The following RAB21 variants were observed in gnomAD, a reference collection of about 807,000 sequenced individuals.
RAB21 encodes ras-related protein Rab-21.
RAB21 carries 13 observed loss-of-function variants against 33.1 expected under a neutral mutation model. That is an observed-to-expected ratio of 0.39 (90% CI 0.26 to 0.62). The LOEUF is 0.62. Ranked by LOEUF, RAB21 falls within the 20% of genes least tolerant of loss-of-function variation. The probability of loss-of-function intolerance (pLI) is 0.48; values close to 1 mark genes in which losing one functional copy is unlikely to be tolerated. For synonymous variants in RAB21, 91 were observed against 103.7 expected, an observed-to-expected ratio of 0.88 and a Z score of 0.74; for missense variants, 234 against 279.1, an observed-to-expected ratio of 0.84 and a Z score of 1.15.
intron 4 of RAB21, among the ~76,000 whole-genome samples, chr12:71,780,696 T>C (rs1252930261): frequency 6.6e-6 from 1 of 152,202 alleles, no homozygotes; most frequent in East Asian, 1.9e-4. Context: ...GGTTCTCAGA[T>C]TATTCGAGGT....
chr12:71,780,564 C>G (rs1216341842), intron 4 of RAB21, among the ~76,000 whole-genome samples: 1 of 152,126 alleles, frequency 6.6e-6, no homozygotes, highest in Non-Finnish European at 1.5e-5. Flanking sequence ...GATAGCTGTT[C>G]AAAGAAGGAA....
chr12:71,756,119 T>C (rs982527341), intron 1 of RAB21, among the ~76,000 whole-genome samples: 1 of 152,214 alleles, frequency 6.6e-6, no homozygotes, highest in South Asian at 2.1e-4. Context: ...GAGAAATTTA[T>C]CCTACTAATT....
intron 4 of RAB21, among the ~76,000 whole-genome samples, chr12:71,780,836 A>G (rs977835347): frequency 6.6e-6 from 1 of 152,208 alleles, no homozygotes; most frequent in African/African-American, 2.4e-5. Flanking sequence ...TGGTTCCAAG[A>G]AAAAAAGTAA....
intron 4 of RAB21, among the ~76,000 whole-genome samples, chr12:71,781,027 T>C (rs1883190546): frequency 6.6e-6 from 1 of 152,180 alleles, no homozygotes; most frequent in Non-Finnish European, 1.5e-5. Flanking sequence ...TTTTGCAGTT[T>C]CTTCATTTTT....
In RAB21 at chr12:71,800,119, G is replaced by A. The variant is rs746896266; in HGVS notation, c.*14446G>A. 2.0e-5 allele frequency: 3 copies of A among 151,010 alleles called. No homozygotes were observed. The highest frequency in any genetic ancestry group is 6.6e-5 in the Admixed American group (1 of 15,152). The allele number at this position is 151,010 out of a possible 1,614,324, so 9.4% of individuals were successfully genotyped here. A position where few individuals can be genotyped will look rare whatever the true frequency, so the allele number is the denominator to read the frequency against. On this transcript the variant is annotated 3_prime_UTR_variant, in exon 7 of 7. Transcript: ENST00000261263. ...AATTGCACATGAAGTATACAAGTTC[G>A]ATCTGTGAAACCACCATCACAGTGA... is the stretch of plus-strand genomic sequence containing the variant.
At chr12:71,780,229 AGGTATTGAT>A (rs1883177938) in intron 4 of RAB21, among the ~76,000 whole-genome samples, 1 of 152,164 alleles carries the variant, frequency 6.6e-6, no homozygotes, top group Non-Finnish European at 1.5e-5. Flanking sequence ...CTCTTTTTAT[AGGTATTGAT>A]GATATTGATG....
At chr12:71,771,403 T>C (rs921735536) in intron 3 of RAB21, among the ~76,000 whole-genome samples, 2 of 152,236 alleles carry the variant, frequency 1.3e-5, no homozygotes, top group Non-Finnish European at 2.9e-5. Context: ...AAGAAGCTTT[T>C]CTTGCCTTGA....
chr12:71,756,690 T>A (rs2137635920), intron 1 of RAB21, among the ~76,000 whole-genome samples: 1 of 152,370 alleles, frequency 6.6e-6, no homozygotes, highest in Middle Eastern at 3.4e-3. Context: ...GTGTCATTAG[T>A]GAGAGCCTGG....
Position 71,792,308 on chromosome 12 carries a change from A to C in RAB21, c.*6635A>C, listed in dbSNP as rs1186703033. On this transcript the variant is annotated 3_prime_UTR_variant, in exon 7 of 7. Transcript: ENST00000261263. ...AACTTGTAGCGTTCTGGGAAAGTCA[A>C]GTCAAACTCTTGAATGCTATCCTCT... is the stretch of plus-strand genomic sequence containing the variant. The C allele has an allele frequency of 6.6e-6, 1 of 152,242 alleles. No individual in the cohort carries two copies. The highest frequency in any genetic ancestry group is 2.4e-5 in the African/African-American group (1 of 41,454). 9.4% of individuals were successfully genotyped at this position (152,242 alleles called of 1,614,324 possible).
chr12:71,771,928 A>T (rs1198062584), intron 3 of RAB21, among the ~76,000 whole-genome samples: 1 of 151,732 alleles, frequency 6.6e-6, no homozygotes, highest in African/African-American at 2.4e-5. Flanking sequence ...GTGAGCCTAG[A>T]TCGCGCCACT....
rs1390658443 is a variant in RAB21 at position 71,796,083 on chromosome 12, CTG to C, written c.*10411_*10412del. The C allele has an allele frequency of 5.1e-5, 7 of 137,244 alleles. 1 individual carries two copies. Among genetic ancestry groups the C allele is most frequent in the Non-Finnish European group, 1.1e-4 (7 of 65,956 alleles). 8.5% of individuals were successfully genotyped at this position (137,244 alleles called of 1,614,324 possible). ...CTCTGCAAATGCCTGATGGGGCACT[CTG>C]AGAATTAAACAGGAAATGGACAGGA... On this transcript the variant is annotated 3_prime_UTR_variant, in exon 7 of 7. Coordinates refer to ENST00000261263, the MANE Select transcript of RAB21 (RefSeq NM_014999.4).
In RAB21 at chr12:71,755,279, C is replaced by G. The variant is rs1027911070; in HGVS notation, c.150C>G (p.Thr50=). Residue 50 remains threonine, a synonymous_variant, in exon 1 of 7, where the codon ACC becomes ACG. Transcript: ENST00000261263. ...CENKFNDKHI[T]TLQASFLTKK... is the part of the protein sequence containing the mutation. The stretch of plus-strand genomic sequence containing the variant: ...ACAAGTTTAACGACAAGCACATCAC[C>G]ACTCTGCAGGTGCGGACCTCGGGGA... 6.5e-7 allele frequency: 1 copy of G among 1,528,526 alleles called. No homozygotes were observed. The highest frequency in any genetic ancestry group is 1.4e-5 in the African/African-American group (1 of 69,860). The allele number at this position is 1,528,526 out of a possible 1,614,324, so 94.7% of individuals were successfully genotyped here.
In RAB21 at chr12:71,770,621, A is replaced by T; in HGVS notation, c.249A>T (p.Ala83=). Reference sequence around the variant, plus strand: ...CGGCAGGTCAAGAGAGATTCCATGCATTGGGTCCAATTTACTACAGAGATT... The same window carrying T: ...CGGCAGGTCAAGAGAGATTCCATGCTTTGGGTCCAATTTACTACAGAGATT... ...WDTAGQERFH[A]LGPIYYRDSN... Residue 83 remains alanine, a synonymous_variant, in exon 3 of 7, where the codon GCA becomes GCT. Transcript: ENST00000261263. 1 of 1,607,718 alleles carries T rather than the reference A, an allele frequency of 6.2e-7. No homozygotes were observed. Among genetic ancestry groups the T allele is most frequent in the Non-Finnish European group, 8.5e-7 (1 of 1,174,758 alleles).
intron 1 of RAB21, among the ~76,000 whole-genome samples, chr12:71,764,872 G>T (rs941641756): frequency 6.6e-6 from 1 of 152,132 alleles, no homozygotes; most frequent in Non-Finnish European, 1.5e-5. Flanking sequence ...GGACACTCAG[G>T]TTGGCTCCAT....
intron 1 of RAB21, 33 bp downstream of exon 1, chr12:71,755,321 C>T (rs1333597531): frequency 1.3e-6 from 2 of 1,481,696 alleles, no homozygotes; most frequent in South Asian, 1.3e-5. Context: ...GGGGGCGCCT[C>T]AGGGCCCCTA....
In RAB21 at chr12:71,797,956, A is replaced by AC. The variant is rs1209102448; in HGVS notation, c.*12286dup. 1 of 152,222 alleles carries AC rather than the reference A, an allele frequency of 6.6e-6. No homozygotes were observed. Among genetic ancestry groups the AC allele is most frequent in the East Asian group, 1.9e-4 (1 of 5,202 alleles). The allele number at this position is 152,222 out of a possible 1,614,324, so 9.4% of individuals were successfully genotyped here. Reference sequence around the variant, plus strand: ...ATATGAAAACTGAAATGTTTAAAGTACCCAAAGAGGTTGTCAGAGAATTTT... The same window carrying AC: ...ATATGAAAACTGAAATGTTTAAAGTACCCCAAAGAGGTTGTCAGAGAATTTT... On this transcript the variant is annotated 3_prime_UTR_variant, in exon 7 of 7. Coordinates refer to ENST00000261263, the MANE Select transcript of RAB21 (RefSeq NM_014999.4).
chr12:71,795,392 A>G lies in RAB21; in HGVS notation c.*9719A>G, dbSNP rs1461258298. The G allele has an allele frequency of 1.1e-5, 1 of 90,298 alleles. No individual in the cohort carries two copies. 5.6% of individuals were successfully genotyped at this position (90,298 alleles called of 1,614,324 possible). A position where few individuals can be genotyped will look rare whatever the true frequency, so the allele number is the denominator to read the frequency against. On this transcript the variant is annotated 3_prime_UTR_variant, in exon 7 of 7. Coordinates refer to ENST00000261263, the MANE Select transcript of RAB21 (RefSeq NM_014999.4). ...TTTAATAAAATGGAGAAATTTGGGA[A>G]TGTCCCTAGCGTAATAATGCCTTCT...
At chr12:71,767,799 C>G (rs1882984125) in intron 1 of RAB21, among the ~76,000 whole-genome samples, 1 of 152,120 alleles carries the variant, frequency 6.6e-6, no homozygotes, top group Non-Finnish European at 1.5e-5. Flanking sequence ...TTCAGTCTTT[C>G]TTACATGTGT....
chr12:71,783,097 A>G (rs1402968595), intron 6 of RAB21, among the ~76,000 whole-genome samples: 2 of 152,100 alleles, frequency 1.3e-5, no homozygotes, highest in Non-Finnish European at 2.9e-5. Context: ...TGATTATGGT[A>G]TTGTGGTTAT....
Sources: allele counts gnomAD v4.1 joint callset (sites outside exome capture counted in the v4.1 genomes callset), GRCh38; gene constraint gnomAD v4.1.1; transcripts MANE v1.5; gene names NCBI Gene and HGNC (gene_info 2026-07-23, HGNC 2026-07-21).